The following ABCD2 variants were observed in gnomAD, a reference collection of about 807,000 sequenced individuals.
ABCD2 encodes the protein ATP-binding cassette sub-family D member 2.
Under a neutral mutation model 70.9 loss-of-function variants are expected in ABCD2, and 36 were observed. The ratio of observed to expected loss-of-function variants is 0.51; its 90% CI spans 0.39 to 0.67. The LOEUF is 0.67. Among genes scored for constraint, ABCD2 ranks in the 30% least tolerant of loss-of-function variants. The probability of loss-of-function intolerance (pLI) is 0.00; values close to 1 mark genes in which losing one functional copy is unlikely to be tolerated. For synonymous variants in ABCD2, 304 were observed against 306.9 expected, an observed-to-expected ratio of 0.99 and a Z score of 0.10; for missense variants, 729 against 890.2, an observed-to-expected ratio of 0.82 and a Z score of 2.30.
intron 6 of ABCD2, among the ~76,000 whole-genome samples, chr12:39,591,243 T>C (rs988023365): frequency 2.0e-5 from 3 of 152,152 alleles, no homozygotes; most frequent in Non-Finnish European, 4.4e-5. Context: ...AGAACTAGAT[T>C]TGAGTCATTT....
intron 2 of ABCD2, among the ~76,000 whole-genome samples, chr12:39,611,067 T>G (rs1204462791): frequency 1.3e-5 from 2 of 152,210 alleles, no homozygotes; most frequent in Non-Finnish European, 2.9e-5. Context: ...TTACTGCTAA[T>G]TTGGAGCTCT....
chr12:39,538,886 A>G, the ABCD2 span, among the ~76,000 whole-genome samples: 1 of 152,134 alleles, frequency 6.6e-6, no homozygotes, highest in African/African-American at 2.4e-5. Context: ...TGCGGGTACT[A>G]TGTAGCAGTC....
At chr12:39,594,830 TG>T (rs1212414864) in intron 6 of ABCD2, among the ~76,000 whole-genome samples, 1 of 151,862 alleles carries the variant, frequency 6.6e-6, no homozygotes. Flanking sequence ...AAAAATTCTC[TG>T]GGTTTCGTGG....
intron 6 of ABCD2, among the ~76,000 whole-genome samples, chr12:39,587,570 A>G (rs1164157617): frequency 2.0e-5 from 3 of 152,204 alleles, no homozygotes; most frequent in Non-Finnish European, 4.4e-5. Flanking sequence ...AGACATACCC[A>G]TTTATATTTA....
chr12:39,564,144 G>A (rs1178960563), intron 9 of ABCD2, among the ~76,000 whole-genome samples: 1 of 152,188 alleles, frequency 6.6e-6, no homozygotes, highest in African/African-American at 2.4e-5. Context: ...TATATACCCA[G>A]TAATGGGATG....
At chr12:39,601,147 C>T (rs986244618) in intron 5 of ABCD2, among the ~76,000 whole-genome samples, 2 of 151,940 alleles carry the variant, frequency 1.3e-5, no homozygotes, top group African/African-American at 4.8e-5. Context: ...CTACAAAGCA[C>T]AGTTATCCAA....
At chr12:39,607,567 T>G in intron 3 of ABCD2, 32 bp downstream of exon 3, 1 of 1,486,470 alleles carries the variant, frequency 6.7e-7, no homozygotes. Context: ...AAATTTTATT[T>G]TAATTGAATT....
chr12:39,583,946 T>C (rs1056867689), intron 7 of ABCD2, among the ~76,000 whole-genome samples: 1 of 152,200 alleles, frequency 6.6e-6, no homozygotes, highest in African/African-American at 2.4e-5. Flanking sequence ...TTTACATTGA[T>C]TCCATGTTTT....
At chr12:39,589,331 A>G (rs1234599478) in intron 6 of ABCD2, among the ~76,000 whole-genome samples, 6 of 151,262 alleles carry the variant, frequency 4.0e-5, no homozygotes, top group African/African-American at 1.5e-4. Flanking sequence ...GTATGTTCAT[A>G]TAAGAAGACT....
Position 39,573,701 on chromosome 12 carries a change from A to G in ABCD2, c.2003+15T>C. The G allele has an allele frequency of 6.3e-7, 1 of 1,592,492 alleles. No individual in the cohort carries two copies. Among genetic ancestry groups the G allele is most frequent in the Non-Finnish European group, 8.5e-7 (1 of 1,171,248 alleles). ...GAAAAACCATCTACCACAAATTAGC[A>G]CTAGAAACACTTACCAAAGAGAAGG... On this transcript the variant is annotated intron_variant, in intron 9 of 9. Transcript: ENST00000308666.
chr12:39,617,814 G>GA (rs1295305482), intron 1 of ABCD2, among the ~76,000 whole-genome samples: 1 of 152,050 alleles, frequency 6.6e-6, no homozygotes, highest in Non-Finnish European at 1.5e-5. Flanking sequence ...TTCAACAGTA[G>GA]AATACTTTAT....
In ABCD2 at chr12:39,561,705, A is replaced by G. The variant is rs116121596; in HGVS notation, c.2004-7574T>C. Among the ~76,000 whole-genome samples, 1,185 of 152,256 alleles carry G rather than the reference A, an allele frequency of 7.8e-3. 20 individuals carry two copies. Among genetic ancestry groups the G allele is most frequent in the African/African-American group, 0.026 (1,094 of 41,532 alleles). ...ACATCAGAGCACATATATAAATCAA[A>G]TACTCCTAGATCTGAAAGAAGTGAA... On this transcript the variant is annotated intron_variant, in intron 9 of 9. Coordinates refer to ENST00000308666, the MANE Select transcript of ABCD2 (RefSeq NM_005164.4).
chr12:39,538,681 C>G, the ABCD2 span, among the ~76,000 whole-genome samples: 2 of 152,092 alleles, frequency 1.3e-5, no homozygotes, highest in Non-Finnish European at 2.9e-5. Context: ...GGCCTGAAAG[C>G]TTGAAGGGAT....
chr12:39,618,942 T>C lies in ABCD2; in HGVS notation c.674A>G (p.Tyr225Cys). The C allele has an allele frequency of 6.2e-7, 1 of 1,614,202 alleles. No homozygotes were observed. Among genetic ancestry groups the C allele is most frequent in the South Asian group, 1.1e-5 (1 of 91,084 alleles). The change falls in exon 1 of 10, where the codon TAT becomes TGT. Residue 225 changes from tyrosine to cysteine, a missense_variant. This residue lies in a region of ABCD2 where 195 missense variants were observed against 300.2 expected (regional missense o/e 0.65). Transcript: ENST00000308666. ...TAAAATAGGTTTGGTCAGATTGGAA[T>C]ACAAGTGAGCCACAGATTGGGAGAA... ...MMFSQSVAHL[Y>C]SNLTKPILDV...
chr12:39,612,321 A>G (rs1942056412), intron 2 of ABCD2, among the ~76,000 whole-genome samples: 1 of 152,182 alleles, frequency 6.6e-6, no homozygotes, highest in Non-Finnish European at 1.5e-5. Context: ...ACTGGATACA[A>G]TCTAATGTCT....
chr12:39,616,663 T>G (rs777737627), intron 2 of ABCD2, among the ~76,000 whole-genome samples: 14 of 152,112 alleles, frequency 9.2e-5, no homozygotes, highest in Non-Finnish European at 1.5e-4. Flanking sequence ...TTTCTGAGGG[T>G]ACTAACTTAT....
At chr12:39,613,988 A>G (rs2120777588) in intron 2 of ABCD2, among the ~76,000 whole-genome samples, 1 of 152,288 alleles carries the variant, frequency 6.6e-6, no homozygotes, top group South Asian at 2.1e-4. Flanking sequence ...ATCACTTTTG[A>G]ACGTGCTCCT....
intron 9 of ABCD2, among the ~76,000 whole-genome samples, chr12:39,560,403 T>C (rs1188582549): frequency 1.3e-5 from 2 of 152,198 alleles, no homozygotes; most frequent in Non-Finnish European, 2.9e-5. Context: ...CTTAATCCAG[T>C]CTATCATTGA....
chr12:39,619,408 C>G lies in ABCD2; in HGVS notation c.208G>C (p.Glu70Gln). ...GGCGAAGGTTTTTCACAAATGGTCT[C>G]GGTGCAATGCAGTATTTCTGTGTTC... ...AENTEILHCT[E>Q]TICEKPSPGV... Residue 70 changes from glutamate (E) to glutamine (Q), a missense_variant, in exon 1 of 10, where the codon GAG becomes CAG. Transcript: ENST00000308666. 2.5e-6 allele frequency: 4 copies of G among 1,614,058 alleles called. No individual in the cohort carries two copies. Among genetic ancestry groups the G allele is most frequent in the Non-Finnish European group, 3.4e-6 (4 of 1,180,020 alleles).
Sources: gnomAD v4.1 joint callset for allele counts (sites outside exome capture counted in the v4.1 genomes callset) on GRCh38, gnomAD v4.1.1 for gene constraint, gnomAD v4.1.1 regional missense constraint, MANE v1.5 for transcripts, NCBI Gene and HGNC (gene_info 2026-07-23, HGNC 2026-07-21) for gene names.